DMD: variants seen among roughly 807,000 people sequenced by gnomAD.
DMD encodes mutant dystrophin.
Under a neutral mutation model 330.1 loss-of-function variants are expected in DMD, and 63 were observed. The observed-to-expected ratio is 0.19, with a 90% CI of 0.16 to 0.24. The LOEUF is 0.24. Ranked by LOEUF, DMD falls within the 10% of genes least tolerant of loss-of-function variation. The probability of loss-of-function intolerance (pLI) is 1.00; values close to 1 mark genes in which losing one functional copy is unlikely to be tolerated. For missense variants in DMD, 3,344 were observed against 2,684.1 expected (o/e 1.25, Z -5.43); for synonymous variants, 1,223 against 959.8 (o/e 1.27, Z -5.07).
chrX:31,640,930 G>A (rs150016701), intron 54 of DMD, among the ~76,000 whole-genome samples: 4 of 111,987 alleles, frequency 3.6e-5, no homozygotes, highest in Admixed American at 9.5e-5. Flanking sequence ...GTCCTTATGC[G>A]CTGTCTTCTA....
intron 44 of DMD, among the ~76,000 whole-genome samples, chrX:32,160,045 A>G (rs1468076802): frequency 9.0e-6 from 1 of 111,215 alleles, no homozygotes; most frequent in African/African-American, 3.3e-5. Context: ...ACATAATTGA[A>G]TTTGCATTTT....
intron 55 of DMD, among the ~76,000 whole-genome samples, chrX:31,515,139 T>G (rs988588828): frequency 9.0e-6 from 1 of 111,531 alleles, no homozygotes; most frequent in African/African-American, 3.3e-5. Flanking sequence ...GTTATGGATG[T>G]TTTACTAGAA....
intron 47 of DMD, among the ~76,000 whole-genome samples, chrX:31,920,040 T>G (rs1160217636): frequency 8.9e-6 from 1 of 112,358 alleles, no homozygotes; most frequent in Non-Finnish European, 1.9e-5. Context: ...ACAGATCTGT[T>G]ATAAGCCTTG....
At chrX:31,205,038 T>C (rs2043929039) in intron 66 of DMD, among the ~76,000 whole-genome samples, 1 of 112,237 alleles carries the variant, frequency 8.9e-6, no homozygotes, top group Admixed American at 9.4e-5. Flanking sequence ...TCTTGGTCAG[T>C]TGTGTGCCAG....
chrX:32,458,658 T>C (rs2098371060), intron 25 of DMD, among the ~76,000 whole-genome samples: 1 of 111,362 alleles, frequency 9.0e-6, no homozygotes, highest in Admixed American at 9.6e-5. Flanking sequence ...CAACACTTAG[T>C]ATCTTTTGCT....
chrX:31,719,177 T>C (rs1385191527), intron 52 of DMD, among the ~76,000 whole-genome samples: 3 of 111,973 alleles, frequency 2.7e-5, no homozygotes, highest in Admixed American at 9.5e-5. Context: ...TGAAGTAATA[T>C]AGTTTATTAC....
chrX:32,032,470 T>C (rs1260397001), intron 44 of DMD, among the ~76,000 whole-genome samples: 1 of 111,668 alleles, frequency 9.0e-6, no homozygotes, highest in Non-Finnish European at 1.9e-5. Flanking sequence ...AATGATCAAA[T>C]CAGGGTAATT....
At chrX:31,266,907 T>C (rs2051195449) in intron 62 of DMD, 3 of 1,176,005 alleles carry the variant, frequency 2.6e-6, no homozygotes, top group Non-Finnish European at 2.3e-6. Flanking sequence ...TCCCCGAAAG[T>C]GGAGCGCCGC....
intron 2 of DMD, among the ~76,000 whole-genome samples, chrX:33,006,047 T>C (rs1157578558): frequency 9.0e-6 from 1 of 111,393 alleles, no homozygotes; most frequent in East Asian, 2.8e-4. Flanking sequence ...CTAAAAAATA[T>C]ACAAGATCTT....
At chrX:31,681,520 A>G (rs2082381247) in intron 52 of DMD, among the ~76,000 whole-genome samples, 1 of 111,989 alleles carries the variant, frequency 8.9e-6, no homozygotes, top group Admixed American at 9.5e-5. Flanking sequence ...GAGAATAAAT[A>G]TCTTGACCTC....
chrX:31,239,487 A>G (rs2048039388), intron 63 of DMD, among the ~76,000 whole-genome samples: 2 of 111,629 alleles, frequency 1.8e-5, no homozygotes, highest in South Asian at 7.6e-4. Flanking sequence ...GGAGAAAAAC[A>G]TCAACTAGAA....
At chrX:32,555,039 C>G (rs2050147343) in intron 16 of DMD, among the ~76,000 whole-genome samples, 1 of 109,294 alleles carries the variant, frequency 9.1e-6, no homozygotes, top group Non-Finnish European at 1.9e-5. Context: ...TTGATGAACA[C>G]TGATGCAACA....
At chrX:31,957,268 TCCG>T (rs1425064533) in intron 45 of DMD, among the ~76,000 whole-genome samples, 1 of 112,074 alleles carries the variant, frequency 8.9e-6, no homozygotes, top group Non-Finnish European at 1.9e-5. Context: ...AAAGTCCGTT[TCCG>T]CTTCTATCAA....
chrX:32,734,961 G>C (rs936131865), intron 7 of DMD, among the ~76,000 whole-genome samples: 31 of 109,512 alleles, frequency 2.8e-4, no homozygotes, highest in Admixed American at 1.6e-3. Flanking sequence ...ATTAGGAAAA[G>C]AGAAAGTCAA....
At chrX:31,259,852 G>A (rs1394510243) in intron 63 of DMD, among the ~76,000 whole-genome samples, 3 of 110,579 alleles carry the variant, frequency 2.7e-5, no homozygotes, top group Non-Finnish European at 3.8e-5. Flanking sequence ...CCCCACTTAC[G>A]TATACCTACA....
At chrX:32,562,629 A>G (rs1298680404) in intron 16 of DMD, among the ~76,000 whole-genome samples, 1 of 112,611 alleles carries the variant, frequency 8.9e-6, no homozygotes, top group Non-Finnish European at 1.9e-5. Context: ...TTCTCCCACA[A>G]TCATTATAGA....
intron 54 of DMD, among the ~76,000 whole-genome samples, chrX:31,635,523 G>A (rs1408166259): frequency 9.0e-6 from 1 of 111,513 alleles, no homozygotes. Context: ...AGACAGCAAA[G>A]CAGGCAGGTT....
At chrX:32,830,471 G>A (rs1265367321) in intron 4 of DMD, among the ~76,000 whole-genome samples, 1 of 111,387 alleles carries the variant, frequency 9.0e-6, no homozygotes, top group African/African-American at 3.3e-5. Context: ...GTTAATGTAC[G>A]AGCCTACTGT....
intron 19 of DMD, among the ~76,000 whole-genome samples, chrX:32,494,563 C>T (rs376169583): frequency 1.8e-5 from 2 of 110,860 alleles, no homozygotes; most frequent in East Asian, 5.6e-4. Context: ...AAAATAGAAT[C>T]GACCTCATAG....
Sources: gnomAD v4.1 joint callset for allele counts (sites outside exome capture counted in the v4.1 genomes callset) on GRCh38, gnomAD v4.1.1 for gene constraint, MANE v1.5 for transcripts, NCBI Gene and HGNC (gene_info 2026-07-23, HGNC 2026-07-21) for gene names.